RBM27: variants seen among roughly 807,000 people sequenced by gnomAD.
The protein encoded by RBM27 is RNA-binding protein 27.
In RBM27, 22 loss-of-function variants were observed where a neutral mutation model predicts 135.3. The ratio of observed to expected loss-of-function variants is 0.16; its 90% CI spans 0.12 to 0.23. The LOEUF (loss-of-function observed/expected upper bound fraction) is 0.23, where lower values mean the gene tolerates loss of function less well. Ranked by LOEUF, RBM27 falls within the 10% of genes least tolerant of loss-of-function variation. RBM27 has a pLI of 1.00. For synonymous variants in RBM27, 481 were observed against 442.4 expected (o/e 1.09, Z -1.10); for missense variants, 1,009 against 1,281.0 (o/e 0.79, Z 3.24).
intron 8 of RBM27, among the ~76,000 whole-genome samples, chr5:146,249,135 C>A (rs1490508013): frequency 6.6e-6 from 1 of 151,924 alleles, no homozygotes; most frequent in Non-Finnish European, 1.5e-5. Context: ...CTGTGCGCCA[C>A]CATGCATGGC....
In RBM27 at chr5:146,233,096, T is replaced by C. The variant is rs1404123032; in HGVS notation, c.851-354T>C. Among the ~76,000 whole-genome samples the C allele has an allele frequency of 7.2e-5, 11 of 152,226 alleles. No homozygotes were observed. The East Asian group carries it at 1.9e-3, about 27-fold the overall frequency. The stretch of plus-strand genomic sequence containing the variant: ...GAGTAAATAATCTAGGTCAATGCCC[T>C]TATTCTCCCCTACCCCACGCCTTTG... On this transcript the variant is annotated intron_variant, in intron 6 of 20. Transcript: ENST00000265271.
At chr5:146,261,412 G>A in intron 12 of RBM27, 98 bp from the exon 13 acceptor site, 5 of 992,600 alleles carry the variant, frequency 5.0e-6, no homozygotes, top group Non-Finnish European at 6.0e-6. Context: ...GCTTTAACAT[G>A]TGTATTTTGG....
chr5:146,278,146 GTTTT>G (rs1043838890), intron 19 of RBM27, among the ~76,000 whole-genome samples: 1 of 152,064 alleles, frequency 6.6e-6, no homozygotes, highest in Non-Finnish European at 1.5e-5. Flanking sequence ...CTTGAATTTT[GTTTT>G]TTTATCTGCC....
intron 7 of RBM27, among the ~76,000 whole-genome samples, chr5:146,235,260 A>G (rs575903836): frequency 6.6e-6 from 1 of 152,082 alleles, no homozygotes; most frequent in Non-Finnish European, 1.5e-5. Flanking sequence ...TATTCTGTAG[A>G]ATATACATTT....
rs532667173 is a variant in RBM27, at chr5:146,230,577, A to G, written c.590-80A>G. 5.6e-5 allele frequency: 79 copies of G among 1,412,964 alleles called. No homozygotes were observed. In the East Asian group the frequency reaches 1.6e-3, roughly 29 times the overall value. 87.5% of individuals were successfully genotyped at this position (1,412,964 alleles called of 1,614,324 possible). ...TTAATTCAACATTCTCATGTTTTCT[A>G]TGTGAGAAAATAAATATAGTTTAAG... On this transcript the variant is annotated intron_variant, in intron 5 of 20. Transcript: ENST00000265271.
At chr5:146,216,682 G>A (rs1756207174) in intron 1 of RBM27, among the ~76,000 whole-genome samples, 1 of 151,980 alleles carries the variant, frequency 6.6e-6, no homozygotes, top group Non-Finnish European at 1.5e-5. Flanking sequence ...TTTTGAGACA[G>A]GGTCTCACTG....
intron 19 of RBM27, among the ~76,000 whole-genome samples, chr5:146,274,061 T>C (rs1165099728): frequency 3.3e-5 from 5 of 152,182 alleles, no homozygotes; most frequent in Non-Finnish European, 7.3e-5. Context: ...CTTGGCTCAT[T>C]GCAACCTCCA....
At position 146,211,464 on chromosome 5, in the gene RBM27, C is replaced by CTTTTTTTTTTTTTTTTTTTTTTTT. The variant is rs57117642; in HGVS notation, c.60-7514_60-7491dup. 7.6e-4 allele frequency among the ~76,000 whole-genome samples: 38 copies of CTTTTTTTTTTTTTTTTTTTTTTTT among 49,928 alleles called. 7 individuals carry two copies. Among genetic ancestry groups the CTTTTTTTTTTTTTTTTTTTTTTTT allele is most frequent in the Non-Finnish European group, 1.2e-3 (32 of 26,920 alleles). The allele number at this position is 49,928 out of a possible 152,430, so 32.8% of individuals were successfully genotyped here. A position where few individuals can be genotyped will look rare whatever the true frequency, so the allele number is the denominator to read the frequency against. On this transcript the variant is annotated intron_variant, in intron 1 of 20. Transcript: ENST00000265271. ...CTTACTTTGTCCAGTATGGTCTTAT[C>CTTTTTTTTTTTTTTTTTTTTTTTT]TTTTTTTTTTTTTTTTTTTTTTTTT...
intron 7 of RBM27, among the ~76,000 whole-genome samples, chr5:146,235,019 C>T (rs1247103778): frequency 1.4e-5 from 2 of 139,636 alleles, no homozygotes; most frequent in African/African-American, 5.4e-5. Context: ...GTGACAGAGC[C>T]AGACCCTGTC....
At chr5:146,246,209 G>T (rs561618216) in intron 8 of RBM27, among the ~76,000 whole-genome samples, 1 of 152,106 alleles carries the variant, frequency 6.6e-6, no homozygotes, top group South Asian at 2.1e-4. Context: ...ATTTTTTCTG[G>T]ATTTGAGTTT....
Position 146,261,557 on chromosome 5 carries a change from C to T in RBM27, c.1941C>T (p.Thr647=). 6.2e-7 allele frequency: 1 copy of T among 1,614,076 alleles called. No homozygotes were observed. The highest frequency in any genetic ancestry group is 8.5e-7 in the Non-Finnish European group (1 of 1,180,004). ...DPEAALIQYL[T]NEEARKAISS... The stretch of plus-strand genomic sequence containing the variant: ...AAGCAGCCCTAATCCAATATCTTAC[C>T]AATGAGGAGGCCAGGAAAGCCATTT... Residue 647 remains threonine, a synonymous_variant, in exon 13 of 21, where the codon ACC becomes ACT. Coordinates refer to ENST00000265271, the MANE Select transcript of RBM27 (RefSeq NM_018989.2).
At chr5:146,257,509 T>C (rs1051559274) in intron 10 of RBM27, among the ~76,000 whole-genome samples, 5 of 152,218 alleles carry the variant, frequency 3.3e-5, no homozygotes, top group African/African-American at 1.2e-4. Context: ...ATGAATGCTC[T>C]CTTGTATACT....
At position 146,251,855 on chromosome 5, in the gene RBM27, G is replaced by T; in HGVS notation, c.1424G>T (p.Ser475Ile). Reference protein sequence around the residue: ...SSIGYHTSVSSPTPLVPDTYE... With the variant: ...SSIGYHTSVSIPTPLVPDTYE... ...ATTGGATACCATACCTCAGTCTCCA[G>T]CCCTACCCCTCTGGTTCCAGGTAAG... The change falls in exon 9 of 21, where the codon AGC becomes ATC. Residue 475 changes from serine to isoleucine, a missense_variant. Physicochemically the swap from Ser to Ile is moderately radical, Grantham distance 142 (BLOSUM62 -2). Coordinates refer to ENST00000265271, the MANE Select transcript of RBM27 (RefSeq NM_018989.2). The T allele has an allele frequency of 6.2e-7, 1 of 1,614,060 alleles. No individual in the cohort carries two copies. The highest frequency in any genetic ancestry group is 8.5e-7 in the Non-Finnish European group (1 of 1,179,994).
chr5:146,234,904 T>C (rs1403966506), intron 7 of RBM27, among the ~76,000 whole-genome samples: 1 of 151,332 alleles, frequency 6.6e-6, no homozygotes, highest in African/African-American at 2.4e-5. Context: ...CATGGTGGTG[T>C]GTACCCATAG....
chr5:146,240,239 C>T (rs531017019), intron 8 of RBM27, among the ~76,000 whole-genome samples: 1 of 151,614 alleles, frequency 6.6e-6, no homozygotes, highest in South Asian at 2.1e-4. Context: ...TCTGTCTTCA[C>T]CTCTTTCTAG....
intron 6 of RBM27, 131 bp from the exon 7 acceptor site, chr5:146,233,319 T>A: frequency 7.1e-7 from 1 of 1,411,986 alleles, no homozygotes; most frequent in Non-Finnish European, 9.3e-7. Context: ...AGAGTAACAC[T>A]GAGACTTTGG....
chr5:146,258,749 A>G (rs1159317130), intron 11 of RBM27, among the ~76,000 whole-genome samples, 156 bp downstream of exon 11: 3 of 151,944 alleles, frequency 2.0e-5, no homozygotes, highest in African/African-American at 7.3e-5. Flanking sequence ...TAAAAATTAA[A>G]AAGTTAACAA....
In RBM27 at chr5:146,212,300, C is replaced by T. The variant is rs529041862; in HGVS notation, c.60-6685C>T. Among the ~76,000 whole-genome samples, 28 of 151,952 alleles carry T rather than the reference C, an allele frequency of 1.8e-4. No individual in the cohort carries two copies. In the East Asian group the frequency reaches 4.1e-3, roughly 22 times the overall value. On this transcript the variant is annotated intron_variant, in intron 1 of 20. Coordinates refer to ENST00000265271, the MANE Select transcript of RBM27 (RefSeq NM_018989.2). Reference sequence around the variant, plus strand: ...TGAACTCTTGACCTTGTGATCCACCCGCCTTGGCCTCCCAAAGTGCTGGGA... The same window carrying T: ...TGAACTCTTGACCTTGTGATCCACCTGCCTTGGCCTCCCAAAGTGCTGGGA...
At chr5:146,275,205 A>AT (rs1455750731) in intron 19 of RBM27, among the ~76,000 whole-genome samples, 1 of 151,340 alleles carries the variant, frequency 6.6e-6, no homozygotes, top group Non-Finnish European at 1.5e-5. Context: ...TATAAATATA[A>AT]TTTTATATAT....
Sources: gnomAD v4.1 joint callset for allele counts (sites outside exome capture counted in the v4.1 genomes callset) on GRCh38, gnomAD v4.1.1 for gene constraint, MANE v1.5 for transcripts, NCBI Gene and HGNC (gene_info 2026-07-23, HGNC 2026-07-21) for gene names.